Variants in RNF217 observed in about 807,000 individuals in gnomAD.
RNF217 encodes ring finger protein 217.
In RNF217, 31 loss-of-function variants were observed where a neutral mutation model predicts 57.8. The observed-to-expected ratio is 0.54, with a 90% CI of 0.40 to 0.72. The LOEUF is 0.72. Ranked by LOEUF, RNF217 falls within the 30% of genes least tolerant of loss-of-function variation. The pLI is 0.00. For missense variants in RNF217, 696 were observed against 708.3 expected (o/e 0.98, Z 0.20); for synonymous variants, 313 against 294.0 (o/e 1.06, Z -0.66).
intron 1 of RNF217, among the ~76,000 whole-genome samples, chr6:125,026,681 C>T (rs781085526): frequency 6.6e-6 from 1 of 152,092 alleles, no homozygotes; most frequent in Non-Finnish European, 1.5e-5. Context: ...AGGTGCTATA[C>T]AAGTCAGCTT....
chr6:125,062,502 C>T (rs948680637), intron 3 of RNF217, among the ~76,000 whole-genome samples: 2 of 152,062 alleles, frequency 1.3e-5, no homozygotes, highest in Non-Finnish European at 2.9e-5. Context: ...TTTATGAAAA[C>T]ATAACCCACC....
intron 1 of RNF217, among the ~76,000 whole-genome samples, chr6:125,024,893 A>T (rs1251852659): frequency 1.3e-5 from 2 of 152,090 alleles, no homozygotes; most frequent in African/African-American, 4.8e-5. Flanking sequence ...AACATGTGGG[A>T]GCTTGCACTG....
At chr6:125,021,434 T>G (rs1212599245) in intron 1 of RNF217, among the ~76,000 whole-genome samples, 1 of 151,760 alleles carries the variant, frequency 6.6e-6, no homozygotes, top group Admixed American at 6.6e-5. Flanking sequence ...CCCGACTAAT[T>G]TTTTGTATTT....
intron 1 of RNF217, among the ~76,000 whole-genome samples, chr6:125,014,833 TTAGTG>T (rs1409948330): frequency 6.6e-6 from 1 of 152,136 alleles, no homozygotes; most frequent in Non-Finnish European, 1.5e-5. Context: ...CTTTTGTACT[TTAGTG>T]TAGTATTGTT....
intron 1 of RNF217, among the ~76,000 whole-genome samples, chr6:125,005,016 T>C (rs979096153): frequency 3.7e-4 from 57 of 152,156 alleles, no homozygotes; most frequent in African/African-American, 1.3e-3. Context: ...TGTTATTCCA[T>C]GATAGAAGGG....
At chr6:125,050,655 T>A (rs559172630) in intron 2 of RNF217, among the ~76,000 whole-genome samples, 1 of 151,914 alleles carries the variant, frequency 6.6e-6, no homozygotes, top group African/African-American at 2.4e-5. Context: ...GTTTCCCATA[T>A]ATAAGAATGT....
At chr6:124,982,081 C>T (rs1409731908) in intron 1 of RNF217, among the ~76,000 whole-genome samples, 1 of 146,768 alleles carries the variant, frequency 6.8e-6, no homozygotes, top group Non-Finnish European at 1.5e-5. Flanking sequence ...TCCTTGTGGG[C>T]AAATTGTGAG....
intron 1 of RNF217, among the ~76,000 whole-genome samples, chr6:124,986,712 G>A (rs745577347): frequency 3.9e-5 from 6 of 152,116 alleles, no homozygotes; most frequent in Non-Finnish European, 5.9e-5. Flanking sequence ...TTTAGGTTTT[G>A]TAGGCCAAGA....
Position 125,089,305 on chromosome 6 carries a change from C to T in RNF217, c.*6368C>T, listed in dbSNP as rs1229403815. On this transcript the variant is annotated 3_prime_UTR_variant, in exon 6 of 6. Coordinates refer to ENST00000521654, the MANE Select transcript of RNF217 (RefSeq NM_001286398.3). ...GTTTGCGTATTAGTTGGACAGAAAG[C>T]ATGTGTGGACATTCATCCAACCTGA... is the stretch of plus-strand genomic sequence containing the variant. 1 of 152,182 alleles carries T rather than the reference C, an allele frequency of 6.6e-6. No homozygotes were observed. Among genetic ancestry groups the T allele is most frequent in the South Asian group, 2.1e-4 (1 of 4,832 alleles). 9.4% of individuals were successfully genotyped at this position (152,182 alleles called of 1,614,324 possible).
At chr6:125,049,298 A>G (rs190783207) in intron 2 of RNF217, among the ~76,000 whole-genome samples, 1 of 152,124 alleles carries the variant, frequency 6.6e-6, no homozygotes, top group East Asian at 1.9e-4. Context: ...TATGATATAT[A>G]TGTGTGGTTA....
chr6:125,048,115 C>G, intron 2 of RNF217: 1 of 989,302 alleles, frequency 1.0e-6, no homozygotes, highest in Middle Eastern at 2.5e-4. Context: ...ACATTAACTA[C>G]CTGGTTTACA....
intron 1 of RNF217, among the ~76,000 whole-genome samples, chr6:125,013,064 A>G (rs368185339): frequency 8.3e-4 from 126 of 152,316 alleles, no homozygotes; most frequent in African/African-American, 2.8e-3. Flanking sequence ...ACATACTTGA[A>G]ATAATTGACA....
intron 4 of RNF217, among the ~76,000 whole-genome samples, chr6:125,079,905 C>G (rs1262332081): frequency 1.3e-5 from 2 of 151,938 alleles, no homozygotes; most frequent in Non-Finnish European, 2.9e-5. Flanking sequence ...GATAGTATGC[C>G]TAGTCCCTTA....
chr6:125,026,658 G>A (rs1786097583), intron 1 of RNF217, among the ~76,000 whole-genome samples: 1 of 152,068 alleles, frequency 6.6e-6, no homozygotes, highest in Non-Finnish European at 1.5e-5. Flanking sequence ...AAAAAAAAAA[G>A]GGAATCACAG....
intron 1 of RNF217, among the ~76,000 whole-genome samples, chr6:124,987,798 T>C (rs1303295152): frequency 6.6e-6 from 1 of 152,150 alleles, no homozygotes; most frequent in Admixed American, 6.6e-5. Flanking sequence ...GAGAAGGTGA[T>C]ATAGAAGCTC....
At position 125,058,075 on chromosome 6, in the gene RNF217, A is replaced by C. The variant is rs767220443; in HGVS notation, c.1250A>C (p.Gln417Pro). 3 of 1,613,480 alleles carry C rather than the reference A, an allele frequency of 1.9e-6. No individual in the cohort carries two copies. Among genetic ancestry groups the C allele is most frequent in the Non-Finnish European group, 2.5e-6 (3 of 1,179,674 alleles). The stretch of plus-strand genomic sequence containing the variant: ...TGGGCCAGCGAAATTGAGCATGGGC[A>C]GAGGAATGCCCAGAAGTGTCCAAAG... ...RHWASEIEHG[Q>P]RNAQKCPKCK... The change falls in exon 3 of 6, where the codon CAG becomes CCG. Residue 417 changes from glutamine to proline, a missense_variant. By Grantham distance (76) the Gln-to-Pro change is moderately conservative. Around this residue, in one of 2 missense-constraint regions of RNF217, gnomAD observed 231 missense variants for 321.4 expected, o/e 0.72. Transcript: ENST00000521654.
intron 1 of RNF217, among the ~76,000 whole-genome samples, chr6:124,996,345 C>T (rs1030130762): frequency 1.3e-5 from 2 of 151,858 alleles, no homozygotes; most frequent in African/African-American, 4.8e-5. Flanking sequence ...TATGTTTTCT[C>T]TGATGTGCTT....
chr6:125,011,057 T>C (rs1785396254), intron 1 of RNF217, among the ~76,000 whole-genome samples: 1 of 152,144 alleles, frequency 6.6e-6, no homozygotes, highest in African/African-American at 2.4e-5. Context: ...AGCAATCGTT[T>C]TGAAGGTAGT....
intron 1 of RNF217, among the ~76,000 whole-genome samples, chr6:124,963,854 A>T (rs1449534821): frequency 6.6e-6 from 1 of 152,274 alleles, no homozygotes; most frequent in Admixed American, 6.5e-5. Flanking sequence ...CCCATAATAC[A>T]TGAATTTGTA....
Sources: gnomAD v4.1 joint callset for allele counts (sites outside exome capture counted in the v4.1 genomes callset) on GRCh38, gnomAD v4.1.1 for gene constraint, gnomAD v4.1.1 regional missense constraint, MANE v1.5 for transcripts, NCBI Gene and HGNC (gene_info 2026-07-23, HGNC 2026-07-21) for gene names.